The following ATRNL1 variants were observed in gnomAD, a reference collection of about 807,000 sequenced individuals.
ATRNL1 encodes the protein attractin like 1.
Under a neutral mutation model 182.7 loss-of-function variants are expected in ATRNL1, and 95 were observed. The observed-to-expected ratio is 0.52, with a 90% CI of 0.44 to 0.62. The LOEUF is 0.62. ATRNL1 is among the 20% of genes least tolerant of loss of function. The pLI is 0.00. For missense variants in ATRNL1, 1,471 were observed against 1,679.5 expected, an observed-to-expected ratio of 0.88 and a Z score of 2.17; for synonymous variants, 576 against 568.3, an observed-to-expected ratio of 1.01 and a Z score of -0.19.
chr10:115,866,775 G>A (rs1555104825), intron 28 of ATRNL1, among the ~76,000 whole-genome samples: 2 of 152,172 alleles, frequency 1.3e-5, no homozygotes, highest in Admixed American at 6.5e-5. Context: ...GAGAAGAAAA[G>A]CTACAAGGGA....
intron 28 of ATRNL1, among the ~76,000 whole-genome samples, chr10:115,855,608 T>C (rs2134376894): frequency 6.6e-6 from 1 of 152,332 alleles, no homozygotes; most frequent in African/African-American, 2.4e-5. Flanking sequence ...CCAAAAAAGA[T>C]GTGCAAAAGA....
At chr10:115,443,954 G>C (rs1297015685) in intron 21 of ATRNL1, among the ~76,000 whole-genome samples, 1 of 151,906 alleles carries the variant, frequency 6.6e-6, no homozygotes, top group Admixed American at 6.6e-5. Context: ...TTAATATGTG[G>C]AGCAAAAATT....
At chr10:115,826,728 C>T (rs1950442775) in intron 27 of ATRNL1, among the ~76,000 whole-genome samples, 2 of 152,246 alleles carry the variant, frequency 1.3e-5, no homozygotes, top group South Asian at 4.2e-4. Flanking sequence ...ATCTGTGAAG[C>T]TGAGTCCGGG....
chr10:115,567,473 T>G (rs1854137136), intron 26 of ATRNL1, among the ~76,000 whole-genome samples: 1 of 152,172 alleles, frequency 6.6e-6, no homozygotes, highest in South Asian at 2.1e-4. Context: ...CAGATCTATT[T>G]TATGCAGAAA....
chr10:115,484,659 A>G (rs1554974832), intron 24 of ATRNL1, among the ~76,000 whole-genome samples: 1 of 151,752 alleles, frequency 6.6e-6, no homozygotes, highest in Non-Finnish European at 1.5e-5. Flanking sequence ...TAGTATTTGA[A>G]CATAAACTCT....
At position 115,357,476 on chromosome 10, in the gene ATRNL1, A is replaced by G. The variant is rs147677705; in HGVS notation, c.3175+23057A>G. The stretch of plus-strand genomic sequence containing the variant: ...TTAATTATATTTTAGTCATGCCTAC[A>G]GCAGGTGTAGGAAAGCTTCAGCATA... On this transcript the variant is annotated intron_variant, in intron 19 of 28. Transcript: ENST00000355044. Among the ~76,000 whole-genome samples, 1,046 of 151,966 alleles carry G rather than the reference A, an allele frequency of 6.9e-3. 12 individuals carry two copies. The highest frequency in any genetic ancestry group is 0.024 in the African/African-American group (1,005 of 41,540).
chr10:115,577,164 T>C (rs1164597117), intron 26 of ATRNL1, among the ~76,000 whole-genome samples: 1 of 151,954 alleles, frequency 6.6e-6, no homozygotes, highest in African/African-American at 2.4e-5. Context: ...GAAAGTGATA[T>C]GTTTCCAACT....
chr10:115,326,360 A>G (rs1854881470), intron 18 of ATRNL1, among the ~76,000 whole-genome samples: 1 of 152,200 alleles, frequency 6.6e-6, no homozygotes, highest in African/African-American at 2.4e-5. Flanking sequence ...TAAAATACCT[A>G]GGAATCCAAC....
At chr10:115,799,889 C>T (rs992883458) in intron 27 of ATRNL1, among the ~76,000 whole-genome samples, 19 of 152,058 alleles carry the variant, frequency 1.2e-4, no homozygotes, top group African/African-American at 3.9e-4. Flanking sequence ...CTCACAGTAA[C>T]CTGTATGGTA....
At chr10:115,131,046 C>T (rs1845210122) in intron 5 of ATRNL1, among the ~76,000 whole-genome samples, 1 of 151,884 alleles carries the variant, frequency 6.6e-6, no homozygotes, top group South Asian at 2.1e-4. Flanking sequence ...TTTTTTCTGG[C>T]CTTTGTTTTT....
intron 27 of ATRNL1, among the ~76,000 whole-genome samples, chr10:115,757,662 T>C (rs1339840202): frequency 5.3e-5 from 8 of 152,160 alleles, no homozygotes; most frequent in African/African-American, 1.9e-4. Context: ...TCAAGGAATA[T>C]CTTTGTGGTG....
chr10:115,933,037 C>A (rs897118367), intron 28 of ATRNL1, among the ~76,000 whole-genome samples: 1 of 130,352 alleles, frequency 7.7e-6, no homozygotes, highest in African/African-American at 4.5e-5. Context: ...TTGCTCAGAT[C>A]CCTTGAGAGA....
chr10:115,658,409 G>A (rs1860471336), intron 26 of ATRNL1, among the ~76,000 whole-genome samples: 1 of 151,732 alleles, frequency 6.6e-6, no homozygotes, highest in Non-Finnish European at 1.5e-5. Context: ...ATGGATATAT[G>A]TATATAATAT....
At position 115,230,870 on chromosome 10, in the gene ATRNL1, T is replaced by TGAGAGAGAGAGAGA. The variant is rs1169884107; in HGVS notation, c.1533-10662_1533-10649dup. Among the ~76,000 whole-genome samples, 609 of 83,646 alleles carry TGAGAGAGAGAGAGA rather than the reference T, an allele frequency of 7.3e-3. 9 individuals are homozygous for TGAGAGAGAGAGAGA. Among genetic ancestry groups the TGAGAGAGAGAGAGA allele is most frequent in the Non-Finnish European group, 9.8e-3 (445 of 45,480 alleles). 54.9% of individuals were successfully genotyped at this position (83,646 alleles called of 152,430 possible). On this transcript the variant is annotated intron_variant, in intron 9 of 28. Coordinates refer to ENST00000355044, the MANE Select transcript of ATRNL1 (RefSeq NM_207303.4). ...ACTAGGGGACTGGATATAGAGTGGA[T>TGAGAGAGAGAGAGA]GAGAGAGAGAGAGAGAGAGAGAGAG... is the stretch of plus-strand genomic sequence containing the variant.
rs782726292 is a variant in ATRNL1 at position 115,426,241 on chromosome 10, T to C, written c.3270-9T>C. ...GTTTAATAGTAAATGAGTTTTTGTG[T>C]TTCTGCAGATGTGACTCTGAAAATC... On this transcript the variant is annotated splice_polypyrimidine_tract_variant and intron_variant, in intron 20 of 28. Transcript: ENST00000355044. 6.2e-7 allele frequency: 1 copy of C among 1,611,418 alleles called. No homozygotes were observed. The highest frequency in any genetic ancestry group is 1.7e-5 in the Admixed American group (1 of 59,888).
Position 115,709,019 on chromosome 10 carries a change from C to T in ATRNL1, c.3796-18229C>T, listed in dbSNP as rs187459383. Among the ~76,000 whole-genome samples the T allele has an allele frequency of 2.6e-5, 4 of 151,860 alleles. No individual in the cohort carries two copies. In the East Asian group the frequency reaches 7.7e-4, roughly 29 times the overall value. ...AAAGGGAACACACATGCTTCGTTGA[C>T]AACAGTGGCATCAGTAGACTGAATA... On this transcript the variant is annotated intron_variant, in intron 26 of 28. Coordinates refer to ENST00000355044, the MANE Select transcript of ATRNL1 (RefSeq NM_207303.4).
chr10:115,413,757 A>AT (rs1554960324), intron 20 of ATRNL1, among the ~76,000 whole-genome samples: 2 of 152,016 alleles, frequency 1.3e-5, no homozygotes, highest in African/African-American at 4.8e-5. Context: ...TCAGTTGTGG[A>AT]ATCAGCTGTA....
At chr10:115,263,546 A>G (rs782082474) in intron 10 of ATRNL1, among the ~76,000 whole-genome samples, 1 of 151,824 alleles carries the variant, frequency 6.6e-6, no homozygotes, top group Non-Finnish European at 1.5e-5. Flanking sequence ...TTCATTTCTA[A>G]CATAGGGTAA....
intron 13 of ATRNL1, among the ~76,000 whole-genome samples, chr10:115,270,007 A>G (rs1851772764): frequency 6.6e-6 from 1 of 151,884 alleles, no homozygotes; most frequent in Non-Finnish European, 1.5e-5. Flanking sequence ...TTTTAATAAC[A>G]AGATATACTT....
Sources: allele counts gnomAD v4.1 joint callset (sites outside exome capture counted in the v4.1 genomes callset), GRCh38; gene constraint gnomAD v4.1.1; transcripts MANE v1.5; gene names NCBI Gene and HGNC (gene_info 2026-07-23, HGNC 2026-07-21).